HECW2: variants seen among roughly 807,000 people sequenced by gnomAD.
HECW2 encodes E3 ubiquitin-protein ligase HECW2.
In HECW2, 61 loss-of-function variants were observed where a neutral mutation model predicts 175.2. The observed-to-expected ratio is 0.35, with a 90% CI of 0.28 to 0.43. The LOEUF is 0.43. Among genes scored for constraint, HECW2 ranks in the 20% least tolerant of loss-of-function variants. HECW2 has a pLI of 1.00. For missense variants in HECW2, 1,524 were observed against 2,000.5 expected, an observed-to-expected ratio of 0.76 and a Z score of 4.54; for synonymous variants, 671 against 731.0, an observed-to-expected ratio of 0.92 and a Z score of 1.32.
chr2:196,429,531 G>A (rs1409604408), intron 2 of HECW2, among the ~76,000 whole-genome samples: 1 of 151,838 alleles, frequency 6.6e-6, no homozygotes, highest in Non-Finnish European at 1.5e-5. Context: ...TTCCGCTTCA[G>A]GCCTTAATGA....
chr2:196,250,226 C>T (rs1457194225), intron 19 of HECW2, among the ~76,000 whole-genome samples: 2 of 152,202 alleles, frequency 1.3e-5, no homozygotes, highest in African/African-American at 2.4e-5. Context: ...AAGGGATGGT[C>T]CACTTTAAAC....
chr2:196,419,164 A>G (rs1213876287), intron 2 of HECW2, among the ~76,000 whole-genome samples: 1 of 152,240 alleles, frequency 6.6e-6, no homozygotes, highest in East Asian at 1.9e-4. Flanking sequence ...CAAATTATAA[A>G]TAACACAGTG....
At position 196,224,131 on chromosome 2, in the gene HECW2, C is replaced by T. The variant is rs571074329; in HGVS notation, c.4016+1641G>A. 1.4e-4 allele frequency among the ~76,000 whole-genome samples: 22 copies of T among 152,160 alleles called. No homozygotes were observed. The South Asian group carries it at 2.7e-3, about 19-fold the overall frequency. On this transcript the variant is annotated intron_variant, in intron 23 of 28. Transcript: ENST00000644978. ...AGATGGGGAAGAGTAGAACATGTAC[C>T]GTGTGTATTTGTCATCGCTGTTTAA...
chr2:196,436,123 G>A (rs992835433), intron 1 of HECW2, among the ~76,000 whole-genome samples: 3 of 152,124 alleles, frequency 2.0e-5, no homozygotes, highest in Non-Finnish European at 4.4e-5. Flanking sequence ...TCTTCGAGCC[G>A]GGCCTGGTGG....
intron 2 of HECW2, among the ~76,000 whole-genome samples, chr2:196,390,185 C>T (rs1575491652): frequency 6.6e-6 from 1 of 151,934 alleles, no homozygotes; most frequent in Non-Finnish European, 1.5e-5. Flanking sequence ...TCATGAATAC[C>T]TGAGGCTCAA....
At chr2:196,282,162 G>C (rs1351457855) in intron 14 of HECW2, among the ~76,000 whole-genome samples, 1 of 152,188 alleles carries the variant, frequency 6.6e-6, no homozygotes, top group African/African-American at 2.4e-5. Context: ...CAGGCTCCTT[G>C]TAAGTATGTG....
chr2:196,445,403 T>G lies in HECW2; in HGVS notation c.-35-11945A>C, dbSNP rs149803267. 6.6e-5 allele frequency among the ~76,000 whole-genome samples: 10 copies of G among 152,350 alleles called. No individual in the cohort carries two copies. The East Asian group carries it at 1.7e-3, about 26-fold the overall frequency. ...ACAGCATCTCCATTCACTTGTTTAA[T>G]TAGCATTATTGGCTTTTTTTTAAAC... is the stretch of plus-strand genomic sequence containing the variant. On this transcript the variant is annotated intron_variant, in intron 1 of 28. Coordinates refer to ENST00000644978, the MANE Select transcript of HECW2 (RefSeq NM_001348768.2).
At position 196,461,906 on chromosome 2, in the gene HECW2, G is replaced by A. The variant is rs529775410; in HGVS notation, c.-35-28448C>T. Among the ~76,000 whole-genome samples the A allele has an allele frequency of 1.1e-4, 17 of 152,234 alleles. No homozygotes were observed. In the South Asian group the frequency reaches 3.5e-3, roughly 32 times the overall value. On this transcript the variant is annotated intron_variant, in intron 1 of 28. Coordinates refer to ENST00000644978, the MANE Select transcript of HECW2 (RefSeq NM_001348768.2). ...TACAATTCAGGATGAGATTTTGGGTGGGGACACAGCCAAACCATATCACTT... is the reference window on the plus strand; with the variant it reads ...TACAATTCAGGATGAGATTTTGGGTAGGGACACAGCCAAACCATATCACTT...
intron 1 of HECW2, among the ~76,000 whole-genome samples, chr2:196,464,823 C>T (rs559884108): frequency 4.1e-4 from 63 of 152,180 alleles, no homozygotes; most frequent in African/African-American, 1.4e-3. Context: ...GGGCGGATCA[C>T]GAGGTCAGGA....
chr2:196,253,063 A>G (rs1688916633), intron 19 of HECW2, among the ~76,000 whole-genome samples: 1 of 152,226 alleles, frequency 6.6e-6, no homozygotes, highest in African/African-American at 2.4e-5. Flanking sequence ...TGCTCCATAA[A>G]TCTGTGTTAA....
At chr2:196,254,235 T>C (rs187939011) in intron 18 of HECW2, among the ~76,000 whole-genome samples, 64 of 152,354 alleles carry the variant, frequency 4.2e-4, no homozygotes, top group African/African-American at 1.4e-3. Flanking sequence ...CCTGTTTTCC[T>C]ACCAACTTTG....
intron 1 of HECW2, among the ~76,000 whole-genome samples, chr2:196,472,714 C>T (rs537788093): frequency 6.6e-6 from 1 of 152,038 alleles, no homozygotes; most frequent in South Asian, 2.1e-4. Flanking sequence ...TTCCACCTCC[C>T]GGGCTCAATC....
At chr2:196,478,765 T>C (rs1046358618) in intron 1 of HECW2, among the ~76,000 whole-genome samples, 1 of 152,074 alleles carries the variant, frequency 6.6e-6, no homozygotes, top group African/African-American at 2.4e-5. Context: ...GTCATGGGAA[T>C]TTCTGTGCTG....
intron 2 of HECW2, among the ~76,000 whole-genome samples, chr2:196,345,604 G>C (rs1456436230): frequency 1.3e-5 from 2 of 152,158 alleles, no homozygotes; most frequent in African/African-American, 4.8e-5. Context: ...ATTGAGCCCT[G>C]ACCCACCTGC....
chr2:196,477,850 G>A (rs755232312), intron 1 of HECW2, among the ~76,000 whole-genome samples: 5 of 152,070 alleles, frequency 3.3e-5, no homozygotes, highest in African/African-American at 7.2e-5. Flanking sequence ...TCAGGAGTTC[G>A]AGACCAGTCT....
chr2:196,482,175 G>C (rs1051759580), intron 1 of HECW2, among the ~76,000 whole-genome samples: 2 of 152,170 alleles, frequency 1.3e-5, no homozygotes, highest in Non-Finnish European at 2.9e-5. Context: ...TTGAGCACAG[G>C]GATACTCACA....
intron 2 of HECW2, among the ~76,000 whole-genome samples, chr2:196,429,743 A>G (rs1695652858): frequency 1.3e-5 from 2 of 152,322 alleles, no homozygotes; most frequent in South Asian, 4.1e-4. Context: ...AGTCCATAGC[A>G]GTTCTGCTGA....
chr2:196,237,159 C>T (rs1688284775), intron 21 of HECW2, among the ~76,000 whole-genome samples: 1 of 152,026 alleles, frequency 6.6e-6, no homozygotes, highest in Non-Finnish European at 1.5e-5. Context: ...TTGATATCTA[C>T]CTTGAGAGCA....
intron 28 of HECW2, among the ~76,000 whole-genome samples, chr2:196,203,735 T>C (rs978033735): frequency 3.3e-5 from 5 of 152,320 alleles, no homozygotes; most frequent in East Asian, 1.9e-4. Context: ...CATTTACCAT[T>C]TTAACTATAT....
Sources: gnomAD v4.1 joint callset for allele counts (sites outside exome capture counted in the v4.1 genomes callset) on GRCh38, gnomAD v4.1.1 for gene constraint, MANE v1.5 for transcripts, NCBI Gene and HGNC (gene_info 2026-07-23, HGNC 2026-07-21) for gene names.